PIGU: variants seen among roughly 807,000 people sequenced by gnomAD.
The protein encoded by PIGU is phosphatidylinositol glycan anchor biosynthesis class U.
In PIGU, 24 loss-of-function variants were observed where a neutral mutation model predicts 49.9. The ratio of observed to expected loss-of-function variants is 0.48; its 90% CI spans 0.35 to 0.68. The LOEUF is 0.68. Among genes scored for constraint, PIGU ranks in the 30% least tolerant of loss-of-function variants. The probability of loss-of-function intolerance (pLI) is 0.01; values close to 1 mark genes in which losing one functional copy is unlikely to be tolerated. For synonymous variants in PIGU, 220 were observed against 205.7 expected, an observed-to-expected ratio of 1.07 and a Z score of -0.59; for missense variants, 490 against 532.6, an observed-to-expected ratio of 0.92 and a Z score of 0.79.
Position 34,674,799 on chromosome 20 carries a change from G to C in PIGU, c.130+2157C>G, listed in dbSNP as rs931033593. Among the ~76,000 whole-genome samples the C allele has an allele frequency of 1.5e-4, 23 of 151,988 alleles. 1 individual carries two copies. The highest frequency in any genetic ancestry group is 4.8e-4 in the African/African-American group (20 of 41,474). On this transcript the variant is annotated intron_variant, in intron 1 of 11. Coordinates refer to ENST00000217446, the MANE Select transcript of PIGU (RefSeq NM_080476.5). ...AAAAAATAATAATAATAACAAGTAGGGTTGGTGGTACATGCCTGTAGTCCC... is the reference window on the plus strand; with the variant it reads ...AAAAAATAATAATAATAACAAGTAGCGTTGGTGGTACATGCCTGTAGTCCC...
intron 6 of PIGU, among the ~76,000 whole-genome samples, chr20:34,619,777 T>C (rs933489252): frequency 1.1e-4 from 16 of 152,206 alleles, no homozygotes; most frequent in Non-Finnish European, 7.4e-5. Context: ...TTAGAATACT[T>C]GCTCCTAGGA....
intron 1 of PIGU, among the ~76,000 whole-genome samples, chr20:34,666,790 G>A (rs1477601167): frequency 2.8e-5 from 4 of 143,420 alleles, no homozygotes; most frequent in South Asian, 4.4e-4. Context: ...TCCACCTCCC[G>A]GGTTGACGCC....
chr20:34,630,999 T>C (rs1162645422), intron 6 of PIGU, among the ~76,000 whole-genome samples: 1 of 151,630 alleles, frequency 6.6e-6, no homozygotes, highest in Non-Finnish European at 1.5e-5. Context: ...AAGAAAATCA[T>C]ATGGAAGAAA....
chr20:34,574,972 A>T, intron 11 of PIGU, 132 bp downstream of exon 11: 1 of 1,209,352 alleles, frequency 8.3e-7, no homozygotes, highest in Non-Finnish European at 1.2e-6. Context: ...ACTGGGAGCT[A>T]CTTGAGGGGA....
In PIGU at chr20:34,585,016, G is replaced by C. The variant is rs1983641608; in HGVS notation, c.926+421C>G. ...CACCTGGCTAATTTTTAAATTTTTT[G>C]TAGATACAGGATCTTGCTATGTTGT... On this transcript the variant is annotated intron_variant, in intron 9 of 11. Transcript: ENST00000217446. Among the ~76,000 whole-genome samples, 2 of 152,100 alleles carry C rather than the reference G, an allele frequency of 1.3e-5. 1 individual carries two copies. Among genetic ancestry groups the C allele is most frequent in the South Asian group, 4.1e-4 (2 of 4,826 alleles).
intron 6 of PIGU, among the ~76,000 whole-genome samples, chr20:34,633,308 A>G (rs1338767863): frequency 6.6e-6 from 1 of 152,098 alleles, no homozygotes; most frequent in African/African-American, 2.4e-5. Context: ...TATAAAAAAT[A>G]CAAAAATTAG....
At chr20:34,602,931 C>T (rs770523518) in intron 7 of PIGU, among the ~76,000 whole-genome samples, 1 of 152,138 alleles carries the variant, frequency 6.6e-6, no homozygotes, top group Non-Finnish European at 1.5e-5. Flanking sequence ...CTTACATGTG[C>T]ATCCCTTTCT....
At chr20:34,610,876 G>A (rs1003326932) in intron 7 of PIGU, among the ~76,000 whole-genome samples, 1 of 152,130 alleles carries the variant, frequency 6.6e-6, no homozygotes, top group Non-Finnish European at 1.5e-5. Flanking sequence ...CAATGGAACA[G>A]AACAGAGGCC....
chr20:34,583,289 G>T (rs992310160), intron 9 of PIGU, among the ~76,000 whole-genome samples: 2 of 152,162 alleles, frequency 1.3e-5, no homozygotes, highest in African/African-American at 2.4e-5. Flanking sequence ...TGGTAACAAC[G>T]GCAACATTTC....
At chr20:34,650,287 G>C (rs1405758769) in intron 2 of PIGU, among the ~76,000 whole-genome samples, 1 of 149,434 alleles carries the variant, frequency 6.7e-6, no homozygotes, top group Admixed American at 6.7e-5. Flanking sequence ...TTTTTGGGAG[G>C]GGGGAAAGGG....
At chr20:34,564,121 G>A (rs765367065) in intron 11 of PIGU, among the ~76,000 whole-genome samples, 5 of 152,186 alleles carry the variant, frequency 3.3e-5, no homozygotes, top group Non-Finnish European at 7.3e-5. Flanking sequence ...TACATGTAAT[G>A]TGGACCTCTC....
intron 4 of PIGU, among the ~76,000 whole-genome samples, chr20:34,638,685 G>A (rs189858904): frequency 2.7e-4 from 41 of 152,264 alleles, no homozygotes; most frequent in African/African-American, 6.3e-4. Context: ...CAGAGGAGGC[G>A]TAGAATGGCC....
intron 11 of PIGU, 41 bp from the exon 12 acceptor site, chr20:34,561,020 C>A: frequency 1.4e-6 from 2 of 1,399,392 alleles, no homozygotes; most frequent in Admixed American, 3.7e-5. Context: ...CTGGGTACCT[C>A]CCCCTAAACC....
chr20:34,606,855 G>A (rs568843886), intron 7 of PIGU, among the ~76,000 whole-genome samples: 19 of 152,210 alleles, frequency 1.2e-4, no homozygotes, highest in East Asian at 3.9e-4. Flanking sequence ...TCCGTCTCCC[G>A]GGTTCAAGCA....
At chr20:34,615,919 T>G in intron 7 of PIGU, 123 bp downstream of exon 7, 1 of 1,402,326 alleles carries the variant, frequency 7.1e-7, no homozygotes, top group Non-Finnish European at 9.3e-7. Flanking sequence ...TGTGTTTATA[T>G]TTTCAACTGG....
rs538971477 is a variant in PIGU at position 34,603,036 on chromosome 20, CT to C, written c.627+13005del. On this transcript the variant is annotated intron_variant, in intron 7 of 11. Transcript: ENST00000217446. Reference sequence around the variant, plus strand: ...CACTCCAGCCTACTCCTGCCCATATCTTTTTTTTTTTTCTTGTTACAATTCA... The same window carrying C: ...CACTCCAGCCTACTCCTGCCCATATCTTTTTTTTTTTCTTGTTACAATTCA... Among the ~76,000 whole-genome samples, 870 of 146,808 alleles carry C rather than the reference CT, an allele frequency of 5.9e-3. 3 individuals are homozygous for C. The highest frequency in any genetic ancestry group is 0.036 in the Middle Eastern group (10 of 280).
At chr20:34,576,882 A>G (rs1265064604) in intron 10 of PIGU, among the ~76,000 whole-genome samples, 4 of 152,158 alleles carry the variant, frequency 2.6e-5, no homozygotes, top group Admixed American at 6.5e-5. Context: ...TTTGAGGGAC[A>G]CTTGTGATTA....
chr20:34,659,489 C>T (rs1351686253), intron 1 of PIGU, among the ~76,000 whole-genome samples: 11 of 151,902 alleles, frequency 7.2e-5, no homozygotes, highest in Admixed American at 3.9e-4. Flanking sequence ...CGCCTCTGCC[C>T]GGCTGCCCCT....
At chr20:34,613,220 C>T (rs917961355) in intron 7 of PIGU, among the ~76,000 whole-genome samples, 2 of 152,126 alleles carry the variant, frequency 1.3e-5, no homozygotes, top group African/African-American at 2.4e-5. Flanking sequence ...TCTAAGCTTT[C>T]CCAACTTCAG....
Sources: allele counts gnomAD v4.1 joint callset (sites outside exome capture counted in the v4.1 genomes callset), GRCh38; gene constraint gnomAD v4.1.1; transcripts MANE v1.5; gene names NCBI Gene and HGNC (gene_info 2026-07-23, HGNC 2026-07-21).